CASD1: variants seen among roughly 807,000 people sequenced by gnomAD.
CASD1 encodes CAS1 domain sialic acid O acetyltransferase 1.
CASD1 carries 41 observed loss-of-function variants against 100.0 expected under a neutral mutation model. The ratio of observed to expected loss-of-function variants is 0.41; its 90% CI spans 0.32 to 0.53. The LOEUF (loss-of-function observed/expected upper bound fraction) is 0.53. CASD1 is among the 20% of genes least tolerant of loss of function. The pLI, the probability that CASD1 is intolerant of heterozygous loss-of-function variation, is 0.25. For missense variants in CASD1, 774 were observed against 948.7 expected (o/e 0.82, Z 2.42); for synonymous variants, 321 against 315.6 (o/e 1.02, Z -0.18).
the CASD1 span, among the ~76,000 whole-genome samples, chr7:94,604,806 AATATAT>A: frequency 7.9e-3 from 350 of 44,084 alleles, 3 homozygotes; most frequent in African/African-American, 0.017. Context: ...ATGGTGCTGG[AATATAT>A]ATATATATAT....
At chr7:94,591,698 A>G in the CASD1 span, among the ~76,000 whole-genome samples, 1 of 152,146 alleles carries the variant, frequency 6.6e-6, no homozygotes, top group Non-Finnish European at 1.5e-5. Context: ...ATCAAAGTCA[A>G]CCTATGCCCT....
At chr7:94,535,101 A>G (rs1016108862) in intron 7 of CASD1, among the ~76,000 whole-genome samples, 1 of 152,180 alleles carries the variant, frequency 6.6e-6, no homozygotes, top group African/African-American at 2.4e-5. Context: ...TTTGAAAGGG[A>G]TATTGCTTGA....
chr7:94,582,049 C>CT, the CASD1 span, among the ~76,000 whole-genome samples: 26 of 151,406 alleles, frequency 1.7e-4, no homozygotes, highest in African/African-American at 3.9e-4. Flanking sequence ...TATTTTTTGA[C>CT]TTTTTTTTTA....
At chr7:94,628,512 A>G in the CASD1 span, 1 of 598,518 alleles carries the variant, frequency 1.7e-6, no homozygotes, top group Admixed American at 3.0e-5. Context: ...AATTTAAATT[A>G]GGGCACCACG....
At chr7:94,614,196 ATGTTTTAT>A in the CASD1 span, among the ~76,000 whole-genome samples, 1 of 151,764 alleles carries the variant, frequency 6.6e-6, no homozygotes, top group Non-Finnish European at 1.5e-5. Context: ...AGAGACCTAA[ATGTTTTAT>A]TGGCACTAAA....
At chr7:94,622,702 G>C in the CASD1 span, 1 of 151,658 alleles carries the variant, frequency 6.6e-6, no homozygotes, top group African/African-American at 2.4e-5. Flanking sequence ...ATATTTGAGA[G>C]TGTAATTCTG....
chr7:94,509,837 C>G lies in CASD1; in HGVS notation c.-248C>G, dbSNP rs1452671339. The G allele has an allele frequency of 1.0e-6, 1 of 1,003,200 alleles. No homozygotes were observed. The highest frequency in any genetic ancestry group is 1.2e-6 in the Non-Finnish European group (1 of 842,226). 62.1% of individuals were successfully genotyped at this position (1,003,200 alleles called of 1,614,324 possible). ...ACAGGCGTCCAGGGCGCCTGGGGAA[C>G]CGGCACGGCGGAGCAGCGGCGGCGG... On this transcript the variant is annotated 5_prime_UTR_variant, in exon 1 of 18. Coordinates refer to ENST00000297273, the MANE Select transcript of CASD1 (RefSeq NM_022900.5).
chr7:94,628,483 C>T, the CASD1 span: 1 of 687,374 alleles, frequency 1.5e-6, no homozygotes, highest in Non-Finnish European at 2.5e-6. Flanking sequence ...TAAATACACA[C>T]ATACAAAACC....
chr7:94,578,414 A>C, the CASD1 span, among the ~76,000 whole-genome samples: 288 of 152,284 alleles, frequency 1.9e-3, 11 homozygotes, highest in East Asian at 0.049. Context: ...GAGATCCTTC[A>C]TGTTCTTGAG....
the CASD1 span, chr7:94,624,966 T>C: frequency 3.9e-5 from 6 of 151,980 alleles, no homozygotes; most frequent in Admixed American, 2.0e-4. Context: ...AGTTGATGCT[T>C]AATTTTAACA....
At chr7:94,545,517 G>A in intron 11 of CASD1, 28 bp from the exon 12 acceptor site, 1 of 1,570,046 alleles carries the variant, frequency 6.4e-7, no homozygotes, top group Non-Finnish European at 8.7e-7. Context: ...TACTTAGAAT[G>A]AAACCATTTT....
the CASD1 span, among the ~76,000 whole-genome samples, chr7:94,616,160 C>T: frequency 6.6e-6 from 1 of 152,070 alleles, no homozygotes; most frequent in African/African-American, 2.4e-5. Context: ...AGGTTGGGCT[C>T]ATGGGGACTG....
At chr7:94,536,561 G>A (rs1293171464) in intron 8 of CASD1, among the ~76,000 whole-genome samples, 1 of 152,274 alleles carries the variant, frequency 6.6e-6, no homozygotes, top group Admixed American at 6.5e-5. Context: ...ATACATAAAA[G>A]GGCTTGATGA....
intron 3 of CASD1, among the ~76,000 whole-genome samples, chr7:94,523,005 A>G (rs1347698044): frequency 1.3e-5 from 2 of 152,180 alleles, no homozygotes; most frequent in African/African-American, 2.4e-5. Context: ...GCAAGTTCCA[A>G]CAATATCAGA....
the CASD1 span, chr7:94,586,611 T>C: frequency 6.5e-6 from 1 of 153,442 alleles, no homozygotes; most frequent in Non-Finnish European, 1.4e-5. Flanking sequence ...GTGATTTTTC[T>C]GCCTCAGCCT....
the CASD1 span, chr7:94,618,645 ATT>A: frequency 1.2e-6 from 1 of 834,458 alleles, no homozygotes; most frequent in South Asian, 1.6e-5. Flanking sequence ...TACAATATCT[ATT>A]TCTTATTAAA....
At position 94,547,102 on chromosome 7, in the gene CASD1, G is replaced by C. The variant is rs368455231; in HGVS notation, c.1640G>C (p.Cys547Ser). Reference sequence around the variant, plus strand: ...TAAATATTTTCTCTCTTAGGAAATTGTTTCTGGCATTTTGGCTTACTGTTG... The same window carrying C: ...TAAATATTTTCTCTCTTAGGAAATTCTTTCTGGCATTTTGGCTTACTGTTG... ...QIIQKKANGN[C>S]FWHFGLLLKL... Residue 547 changes from cysteine (C) to serine (S), a missense_variant, in exon 13 of 18, where the codon TGT becomes TCT. Cys to Ser is a moderately radical substitution (Grantham distance 112). Coordinates refer to ENST00000297273, the MANE Select transcript of CASD1 (RefSeq NM_022900.5). The C allele has an allele frequency of 6.3e-7, 1 of 1,580,410 alleles. No homozygotes were observed. The highest frequency in any genetic ancestry group is 2.3e-5 in the East Asian group (1 of 44,128).
chr7:94,515,718 C>A (rs1039514544), intron 1 of CASD1, among the ~76,000 whole-genome samples: 1 of 151,858 alleles, frequency 6.6e-6, no homozygotes, highest in Admixed American at 6.6e-5. Flanking sequence ...CAAATAACAA[C>A]ACCCCCCTCC....
At chr7:94,598,909 GTCTCGAAGC>G in the CASD1 span, 1 of 1,613,890 alleles carries the variant, frequency 6.2e-7, no homozygotes, top group Non-Finnish European at 8.5e-7. Context: ...TCTTGGACAT[GTCTCGAAGC>G]TCCTTGGTAG....
Sources: gnomAD v4.1 joint callset for allele counts (sites outside exome capture counted in the v4.1 genomes callset) on GRCh38, gnomAD v4.1.1 for gene constraint, MANE v1.5 for transcripts, NCBI Gene and HGNC (gene_info 2026-07-23, HGNC 2026-07-21) for gene names.